ATMIN: variants seen among roughly 807,000 people sequenced by gnomAD.
The protein encoded by ATMIN is ATM INteracting protein.
Under a neutral mutation model 49.2 loss-of-function variants are expected in ATMIN, and 24 were observed. That is an observed-to-expected ratio of 0.49 (90% confidence interval 0.35 to 0.69). The LOEUF is 0.69. Among genes scored for constraint, ATMIN ranks in the 30% least tolerant of loss-of-function variants. ATMIN has a pLI of 0.00. For synonymous variants in ATMIN, 450 were observed against 392.5 expected, an observed-to-expected ratio of 1.15 and a Z score of -1.73; for missense variants, 1,037 against 1,005.5, an observed-to-expected ratio of 1.03 and a Z score of -0.42.
At position 81,046,483 on chromosome 16, in the gene ATMIN, A is replaced by G. The variant is rs1345360023; in HGVS notation, c.*1513A>G. 4 of 152,180 alleles carry G rather than the reference A, an allele frequency of 2.6e-5. No homozygotes were observed. Among genetic ancestry groups the G allele is most frequent in the Non-Finnish European group, 5.9e-5 (4 of 68,018 alleles). 9.4% of individuals were successfully genotyped at this position (152,180 alleles called of 1,614,324 possible). A position where few individuals can be genotyped will look rare whatever the true frequency, so the allele number is the denominator to read the frequency against. On this transcript the variant is annotated 3_prime_UTR_variant, in exon 4 of 4. Coordinates refer to ENST00000299575, the MANE Select transcript of ATMIN (RefSeq NM_015251.3). ...CTTAAGTGAATAATACCAGTCTTCAAAGAAAACAAGGTGAAGACCTATTGC... is the reference window on the plus strand; with the variant it reads ...CTTAAGTGAATAATACCAGTCTTCAGAGAAAACAAGGTGAAGACCTATTGC...
rs1971101587 is a variant in ATMIN, at chr16:81,045,439, AC to A, written c.*471del. ...ATCACTAAAGAAACCGGATGCTGCC[AC>A]CGTAGGATTTAAGCAGTAGTGCTTC... On this transcript the variant is annotated 3_prime_UTR_variant, in exon 4 of 4. Coordinates refer to ENST00000299575, the MANE Select transcript of ATMIN (RefSeq NM_015251.3). The A allele has an allele frequency of 6.4e-6, 1 of 157,388 alleles. No homozygotes were observed. The highest frequency in any genetic ancestry group is 1.4e-5 in the Non-Finnish European group (1 of 71,548). 9.7% of individuals were successfully genotyped at this position (157,388 alleles called of 1,614,324 possible).
Position 81,036,218 on chromosome 16 carries a change from G to T in ATMIN, c.336+12G>T, listed in dbSNP as rs774554931. 1 of 1,400,344 alleles carries T rather than the reference G, an allele frequency of 7.1e-7. No individual in the cohort carries two copies. Among genetic ancestry groups the T allele is most frequent in the Non-Finnish European group, 9.4e-7 (1 of 1,068,306 alleles). The allele number at this position is 1,400,344 out of a possible 1,614,324, so 86.7% of individuals were successfully genotyped here. ...GCCACCGCCTGCAGGTGAGCCCGAC[G>T]CGGCCGGCGGCCCGGGGGGCCGGGC... On this transcript the variant is annotated intron_variant, in intron 1 of 3. Transcript: ENST00000299575.
rs765146971 is a variant in ATMIN at position 81,044,350 on chromosome 16, C to G, written c.1852C>G (p.Pro618Ala). ...TCGTAGTCTTTTGTCTGACACAAAT[C>G]CTGGACCTGACACCCAGCTCCCATC... ...DHRSLLSDTNPGPDTQLPSGP... is the reference protein window; with the variant it reads ...DHRSLLSDTNAGPDTQLPSGP... Residue 618 changes from proline to alanine, a missense_variant, in exon 4 of 4, where the codon CCT (proline) becomes GCT (alanine). Transcript: ENST00000299575. 1.7e-5 allele frequency: 27 copies of G among 1,614,016 alleles called. No homozygotes were observed. The African/African-American group carries it at 2.3e-4, about 14-fold the overall frequency.
intron 2 of ATMIN, chr16:81,041,766 C>G (rs567163169): frequency 7.1e-6 from 2 of 281,504 alleles, no homozygotes; most frequent in Non-Finnish European, 1.3e-5. Context: ...CTGTGTGAGT[C>G]TGCATACCTC....
Position 81,046,234 on chromosome 16 carries a change from A to T in ATMIN, c.*1264A>T, listed in dbSNP as rs1450079851. ...ATTAAACAAGAAAAAAAGTGGGAAA[A>T]GGGCATCCCCCATTAGGTTTCAATA... On this transcript the variant is annotated 3_prime_UTR_variant, in exon 4 of 4. Transcript: ENST00000299575. 1 of 152,138 alleles carries T rather than the reference A, an allele frequency of 6.6e-6. No homozygotes were observed. Among genetic ancestry groups the T allele is most frequent in the East Asian group, 1.9e-4 (1 of 5,200 alleles). 9.4% of individuals were successfully genotyped at this position (152,138 alleles called of 1,614,324 possible).
At chr16:81,036,952 A>T (rs1160665867) in intron 1 of ATMIN, among the ~76,000 whole-genome samples, 2 of 152,236 alleles carry the variant, frequency 1.3e-5, no homozygotes, top group Admixed American at 1.3e-4. Flanking sequence ...TCAGCTCAGG[A>T]CTGAGACCTA....
rs1267431722 is a variant in ATMIN at position 81,046,428 on chromosome 16, AAT to A, written c.*1461_*1462del. The A allele has an allele frequency of 1.3e-5, 2 of 152,210 alleles. No homozygotes were observed. Among genetic ancestry groups the A allele is most frequent in the East Asian group, 3.8e-4 (2 of 5,200 alleles). The allele number at this position is 152,210 out of a possible 1,614,324, so 9.4% of individuals were successfully genotyped here. On this transcript the variant is annotated 3_prime_UTR_variant, in exon 4 of 4. Coordinates refer to ENST00000299575, the MANE Select transcript of ATMIN (RefSeq NM_015251.3). ...GCAATTATAGGATAGATTCATCTAA[AAT>A]ATGGTATTCTGCATTTTGGTTTTTT...
intron 1 of ATMIN, 112 bp from the exon 2 acceptor site, chr16:81,041,244 C>G (rs1241628386): frequency 1.1e-5 from 13 of 1,207,942 alleles, no homozygotes; most frequent in Non-Finnish European, 1.5e-5. Context: ...TGGAAAAACT[C>G]TTAATTAAAA....
In ATMIN at chr16:81,045,074, A is replaced by G; in HGVS notation, c.*104A>G. 2 of 1,427,096 alleles carry G rather than the reference A, an allele frequency of 1.4e-6. No homozygotes were observed. Among genetic ancestry groups the G allele is most frequent in the South Asian group, 1.4e-5 (1 of 69,728 alleles). 88.4% of individuals were successfully genotyped at this position (1,427,096 alleles called of 1,614,324 possible). A position where few individuals can be genotyped will look rare whatever the true frequency, so the allele number is the denominator to read the frequency against. ...TTAATTCGATTGAATGTGGCTGATG[A>G]TGCAGTTGCTTAGCTTCTTTGTGTT... On this transcript the variant is annotated 3_prime_UTR_variant, in exon 4 of 4. Transcript: ENST00000299575.
rs780329253 is a variant in ATMIN at position 81,036,191 on chromosome 16, G to A, written c.321G>A (p.Lys107=). 1.4e-6 allele frequency: 2 copies of A among 1,455,914 alleles called. No homozygotes were observed. Among genetic ancestry groups the A allele is most frequent in the African/African-American group, 1.5e-5 (1 of 67,954 alleles). 90.2% of individuals were successfully genotyped at this position (1,455,914 alleles called of 1,614,324 possible). The change falls in exon 1 of 4, where the codon AAG becomes AAA. Residue 107 remains lysine, a synonymous_variant. Transcript: ENST00000299575. ...CCGCGCTCAACATGCACCTAGTCAAGAGCCACCGCCTGCAGGTGAGCCCGA... is the reference window on the plus strand; with the variant it reads ...CCGCGCTCAACATGCACCTAGTCAAAAGCCACCGCCTGCAGGTGAGCCCGA... ...NSPALNMHLV[K]SHRLQDGIVN...
chr16:81,046,687 CA>C lies in ATMIN; in HGVS notation c.*1718del, dbSNP rs1971127528. The C allele has an allele frequency of 6.6e-6, 1 of 151,906 alleles. No homozygotes were observed. The highest frequency in any genetic ancestry group is 2.4e-5 in the African/African-American group (1 of 41,290). 9.4% of individuals were successfully genotyped at this position (151,906 alleles called of 1,614,324 possible). On this transcript the variant is annotated 3_prime_UTR_variant, in exon 4 of 4. Transcript: ENST00000299575. ...ACACACACACACACACACACACACA[CA>C]CACGACATGCTCCTTTCTGTGGCAC...
rs1415350673 is a variant in ATMIN, at chr16:81,046,689, C to CACACA, written c.*1721_*1722insACAAC. The CACACA allele has an allele frequency of 2.6e-5, 4 of 151,902 alleles. No homozygotes were observed. In the East Asian group the frequency reaches 5.8e-4, roughly 22 times the overall value. The allele number at this position is 151,902 out of a possible 1,614,324, so 9.4% of individuals were successfully genotyped here. A position where few individuals can be genotyped will look rare whatever the true frequency, so the allele number is the denominator to read the frequency against. On this transcript the variant is annotated 3_prime_UTR_variant, in exon 4 of 4. Transcript: ENST00000299575. ...ACACACACACACACACACACACACA[C>CACACA]ACGACATGCTCCTTTCTGTGGCACA...
Position 81,035,855 on chromosome 16 carries a change from C to A in ATMIN, c.-16C>A. 1 of 813,584 alleles carries A rather than the reference C, an allele frequency of 1.2e-6. No homozygotes were observed. The highest frequency in any genetic ancestry group is 1.5e-6 in the Non-Finnish European group (1 of 674,102). The allele number at this position is 813,584 out of a possible 1,614,324, so 50.4% of individuals were successfully genotyped here. On this transcript the variant is annotated 5_prime_UTR_variant, in exon 1 of 4. Coordinates refer to ENST00000299575, the MANE Select transcript of ATMIN (RefSeq NM_015251.3). ...GGCGGGGCCTACGAACTGGGCCGGG[C>A]GGCCGTGCGGGAGCCATGGCGGCCT...
At chr16:81,039,369 G>A (rs1455603031) in intron 1 of ATMIN, among the ~76,000 whole-genome samples, 1 of 152,080 alleles carries the variant, frequency 6.6e-6, no homozygotes, top group Non-Finnish European at 1.5e-5. Context: ...ACTAGTTGCT[G>A]TTGGTTCTTA....
rs1021976539 is a variant in ATMIN at position 81,046,554 on chromosome 16, T to G, written c.*1584T>G. 8 of 152,252 alleles carry G rather than the reference T, an allele frequency of 5.3e-5. No individual in the cohort carries two copies. The highest frequency in any genetic ancestry group is 1.9e-4 in the African/African-American group (8 of 41,544). 9.4% of individuals were successfully genotyped at this position (152,252 alleles called of 1,614,324 possible). On this transcript the variant is annotated 3_prime_UTR_variant, in exon 4 of 4. Transcript: ENST00000299575. The stretch of plus-strand genomic sequence containing the variant: ...TGTGTGTTTTGAGGTAGGAGCATGA[T>G]CAAGTATGCTTTGGGGATTTTCTGT...
chr16:81,046,508 C>T lies in ATMIN; in HGVS notation c.*1538C>T, dbSNP rs183172958. 3 of 152,084 alleles carry T rather than the reference C, an allele frequency of 2.0e-5. No homozygotes were observed. The highest frequency in any genetic ancestry group is 2.0e-4 in the Admixed American group (3 of 15,262). The allele number at this position is 152,084 out of a possible 1,614,324, so 9.4% of individuals were successfully genotyped here. ...AAGAAAACAAGGTGAAGACCTATTG[C>T]TTCAATAATCAAGAATGCTTTGTGT... On this transcript the variant is annotated 3_prime_UTR_variant, in exon 4 of 4. Transcript: ENST00000299575.
At chr16:81,036,278 A>T (rs933148761) in intron 1 of ATMIN, 72 bp downstream of exon 1, 38 of 1,088,392 alleles carry the variant, frequency 3.5e-5, no homozygotes, top group Non-Finnish European at 4.2e-5. Flanking sequence ...CCGGCGCGCG[A>T]AGCCGGCCTC....
chr16:81,043,239 G>A lies in ATMIN; in HGVS notation c.741G>A (p.Leu247=), dbSNP rs1390480616. 1 of 1,613,800 alleles carries A rather than the reference G, an allele frequency of 6.2e-7. No homozygotes were observed. The highest frequency in any genetic ancestry group is 1.7e-5 in the Admixed American group (1 of 59,970). ...QKLSNKTIES[L]NNQPIPRPDT... ...TATCCAACAAGACCATTGAATCATT[G>A]AACAACCAACCAATCCCTAGACCAG... The change falls in exon 4 of 4, where the codon TTG becomes TTA. Residue 247 remains leucine (L), a synonymous_variant. Transcript: ENST00000299575.
At chr16:81,041,118 C>G in intron 1 of ATMIN, 1 of 418,410 alleles carries the variant, frequency 2.4e-6, no homozygotes, top group Non-Finnish European at 4.4e-6. Flanking sequence ...TGTAAATTGA[C>G]TAAGAGGAAT....
Sources: gnomAD v4.1 joint callset for allele counts (sites outside exome capture counted in the v4.1 genomes callset) on GRCh38, gnomAD v4.1.1 for gene constraint, MANE v1.5 for transcripts, NCBI Gene and HGNC (gene_info 2026-07-23, HGNC 2026-07-21) for gene names.